The following DMWD variants were observed in gnomAD, a reference collection of about 807,000 sequenced individuals.
DMWD encodes DM1 locus, WD repeat containing, also known as dystrophia myotonica WD repeat-containing protein.
A neutral mutation model predicts 45.8 loss-of-function variants in DMWD; 19 were observed. That is an observed-to-expected ratio of 0.41 (90% CI 0.29 to 0.61). DMWD has a LOEUF of 0.61. DMWD is among the 20% of genes least tolerant of loss of function. DMWD has a pLI of 0.25. For synonymous variants in DMWD, 515 were observed against 440.5 expected (o/e 1.17, Z -2.12); for missense variants, 802 against 965.2 (o/e 0.83, Z 2.24).
At chr19:45,791,154 T>C (rs1174892980) in intron 1 of DMWD, 67 bp from the exon 2 acceptor site, 1 of 1,495,292 alleles carries the variant, frequency 6.7e-7, no homozygotes, top group Middle Eastern at 1.9e-4. Context: ...GATGTTGAGG[T>C]TGGGGGAAAC....
chr19:45,784,463 T>TTAGC, intron 4 of DMWD, 173 bp from the exon 5 acceptor site: 7 of 1,299,182 alleles, frequency 5.4e-6, no homozygotes, highest in Non-Finnish European at 7.3e-6. Context: ...AACTTGCATC[T>TTAGC]TAGCTAGCTT....
In DMWD at chr19:45,784,615, G is replaced by A. The variant is rs369230765; in HGVS notation, c.1977+26C>T. ...ACTTGGGAGGGACCCTGAGGTGCTG[G>A]GGAAAGAACTCAGGGACAGTCCTAC... On this transcript the variant is annotated intron_variant, in intron 4 of 4. Transcript: ENST00000270223. 10 of 1,613,724 alleles carry A rather than the reference G, an allele frequency of 6.2e-6. No individual in the cohort carries two copies. In the African/African-American group the frequency reaches 1.2e-4, roughly 19 times the overall value.
chr19:45,791,040 G>C lies in DMWD; in HGVS notation c.489C>G (p.Thr163=). The change falls in exon 2 of 5, where the codon ACC becomes ACG. Residue 163 remains threonine (T), a synonymous_variant. Coordinates refer to ENST00000270223, the MANE Select transcript of DMWD (RefSeq NM_004943.2). ...GGTTGAAATCGTGGCAGGTGGGCTG[G>C]GTGCCCTTGTAGATCCGCTTGTCAA... ...KPIDKRIYKG[T]QPTCHDFNQF... is the part of the protein sequence containing the mutation. 6.2e-7 allele frequency: 1 copy of C among 1,613,392 alleles called. No homozygotes were observed. The highest frequency in any genetic ancestry group is 8.5e-7 in the Non-Finnish European group (1 of 1,179,664).
rs530140382 is a variant in DMWD at position 45,788,648 on chromosome 19, G to C, written c.625-1777C>G. Among the ~76,000 whole-genome samples, 32 of 152,306 alleles carry C rather than the reference G, an allele frequency of 2.1e-4. 1 individual carries two copies. The South Asian group carries it at 6.6e-3, about 32-fold the overall frequency. ...CCCGATACTCAGAATGTCCTTCTTGGCTGGGTGTGATGGCTCACGCCTATA... is the reference window on the plus strand; with the variant it reads ...CCCGATACTCAGAATGTCCTTCTTGCCTGGGTGTGATGGCTCACGCCTATA... On this transcript the variant is annotated intron_variant, in intron 2 of 4. Transcript: ENST00000270223.
At chr19:45,792,232 C>T in intron 1 of DMWD, 84 bp downstream of exon 1, 2 of 1,497,234 alleles carry the variant, frequency 1.3e-6, no homozygotes, top group Non-Finnish European at 1.8e-6. Flanking sequence ...CTCAGGGCCC[C>T]ATATCAATTC....
In DMWD at chr19:45,786,134, G is replaced by GGGTGCGGGCCAGGGGC. The variant is rs1970271692; in HGVS notation, c.1361_1362insGCCCCTGGCCCGCACC (p.Arg460ProfsTer237). The GGGTGCGGGCCAGGGGC allele has an allele frequency of 6.5e-7, 1 of 1,545,682 alleles. No homozygotes were observed. The highest frequency in any genetic ancestry group is 8.7e-7 in the Non-Finnish European group (1 of 1,144,376). On this transcript the variant is annotated frameshift_variant, in exon 3 of 5. Transcript: ENST00000270223. LOFTEE classifies it high-confidence loss of function. ...GGAGGGTGCGGGTGCGGGCCAGGGG[G>GGGTGCGGGCCAGGGGC]GGGTGCGGGTAGAGCACGTCTTCAG...
At chr19:45,787,293 A>C in intron 2 of DMWD, 2 of 254,734 alleles carry the variant, frequency 7.9e-6, no homozygotes, top group Non-Finnish European at 1.5e-5. Flanking sequence ...CCAGCCTCCT[A>C]CCGGAGCAGC....
intron 1 of DMWD, 88 bp downstream of exon 1, chr19:45,792,228 G>A: frequency 4.0e-6 from 6 of 1,481,914 alleles, no homozygotes; most frequent in Non-Finnish European, 5.4e-6. Flanking sequence ...CTATCTCAGG[G>A]CCCCATATCA....
chr19:45,787,244 G>A, intron 2 of DMWD: 1 of 305,852 alleles, frequency 3.3e-6, no homozygotes, highest in Non-Finnish European at 6.2e-6. Flanking sequence ...CCATGCAGCA[G>A]GAGGTGAGTG....
In DMWD at chr19:45,792,571, C is replaced by T. The variant is rs1970368698; in HGVS notation, c.186G>A (p.Pro62=). 1.6e-6 allele frequency: 2 copies of T among 1,253,228 alleles called. No individual in the cohort carries two copies. Among genetic ancestry groups the T allele is most frequent in the Non-Finnish European group, 2.0e-6 (2 of 984,932 alleles). The allele number at this position is 1,253,228 out of a possible 1,614,324, so 77.6% of individuals were successfully genotyped here. ...GACCGGAGGCGGAGGCAGGGCCGGG[C>T]GGGGGCTGCGGTGGCTGAGGCGGCA... is the stretch of plus-strand genomic sequence containing the variant. ...TPVPPQPPQP[P]PGPASASGPG... Residue 62 remains proline (P), a synonymous_variant, in exon 1 of 5, where the codon CCG becomes CCA. Coordinates refer to ENST00000270223, the MANE Select transcript of DMWD (RefSeq NM_004943.2).
In DMWD at chr19:45,786,347, T is replaced by C. The variant is rs1445393073; in HGVS notation, c.1149A>G (p.Ala383=). The C allele has an allele frequency of 6.2e-7, 1 of 1,609,726 alleles. No homozygotes were observed. Among genetic ancestry groups the C allele is most frequent in the East Asian group, 2.2e-5 (1 of 44,732 alleles). ...AVAFDPYTTR[A]EEAATAAGAD... is the part of the protein sequence containing the mutation. ...CACCGGCTGCTGTCGCCGCCTCCTC[T>C]GCCCTTGTGGTGTAGGGGTCAAAGG... The change falls in exon 3 of 5, where the codon GCA becomes GCG. Residue 383 remains alanine, a synonymous_variant. Transcript: ENST00000270223.
intron 2 of DMWD, among the ~76,000 whole-genome samples, chr19:45,787,877 C>T (rs34212898): frequency 0.033 from 4,990 of 152,102 alleles, 125 homozygotes; most frequent in South Asian, 0.075. Context: ...ACCAGCCTAG[C>T]CAATATGGTG....
rs1375581531 is a variant in DMWD, at chr19:45,785,987, G to A, written c.1509C>T (p.Gly503=). 1 of 1,569,074 alleles carries A rather than the reference G, an allele frequency of 6.4e-7. No individual in the cohort carries two copies. Among genetic ancestry groups the A allele is most frequent in the Admixed American group, 1.7e-5 (1 of 57,560 alleles). Residue 503 remains glycine, a synonymous_variant, in exon 3 of 5, where the codon GGC becomes GGT. Transcript: ENST00000270223. ...CCGCCACACCCGGGCCGCCCGCCTTGCCCCCGCCAGCTGGGTGCGGGAGAC... is the reference window on the plus strand; with the variant it reads ...CCGCCACACCCGGGCCGCCCGCCTTACCCCCGCCAGCTGGGTGCGGGAGAC... ...SNSLPHPAGG[G]KAGGPGVAAE...
In DMWD at chr19:45,785,580, G is replaced by A; in HGVS notation, c.1902+14C>T. ...CCTGCCAGGTCCCCGGCAGGCTGGT[G>A]TGGGGCCACTCACCGCCTTGCCCGG... On this transcript the variant is annotated intron_variant, in intron 3 of 4. Transcript: ENST00000270223. 1.4e-6 allele frequency: 2 copies of A among 1,469,938 alleles called. No individual in the cohort carries two copies. The highest frequency in any genetic ancestry group is 1.8e-6 in the Non-Finnish European group (2 of 1,108,498). 91.1% of individuals were successfully genotyped at this position (1,469,938 alleles called of 1,614,324 possible). A position where few individuals can be genotyped will look rare whatever the true frequency, so the allele number is the denominator to read the frequency against.
Position 45,785,822 on chromosome 19 carries a change from G to T in DMWD, c.1674C>A (p.Gly558=), listed in dbSNP as rs1970263707. ...GGCCGCTGGGCTTCTCCCCACCACTGCCACTGCCGCCACTGCCACCCCGGC... is the reference window on the plus strand; with the variant it reads ...GGCCGCTGGGCTTCTCCCCACCACTTCCACTGCCGCCACTGCCACCCCGGC... ...NISRGGSGGS[G]SGGEKPSGPV... is the part of the protein sequence containing the mutation. Residue 558 remains glycine, a synonymous_variant, in exon 3 of 5, where the codon GGC becomes GGA. Coordinates refer to ENST00000270223, the MANE Select transcript of DMWD (RefSeq NM_004943.2). The T allele has an allele frequency of 6.2e-7, 1 of 1,610,624 alleles. No homozygotes were observed. Among genetic ancestry groups the T allele is most frequent in the Non-Finnish European group, 8.5e-7 (1 of 1,179,636 alleles).
chr19:45,783,700 C>T lies in DMWD; in HGVS notation c.*543G>A. On this transcript the variant is annotated 3_prime_UTR_variant, in exon 5 of 5. Transcript: ENST00000270223. ...ACAGAGTACACACACAGGTCCTCTA[C>T]ATCATCTCCTCCGAAGGGGACAGAC... is the stretch of plus-strand genomic sequence containing the variant. The T allele has an allele frequency of 2.3e-6, 1 of 426,686 alleles. No homozygotes were observed. The highest frequency in any genetic ancestry group is 4.1e-6 in the Non-Finnish European group (1 of 244,682). 26.4% of individuals were successfully genotyped at this position (426,686 alleles called of 1,614,324 possible).
At position 45,786,222 on chromosome 19, in the gene DMWD, C is replaced by T; in HGVS notation, c.1274G>A (p.Gly425Asp). Residue 425 changes from glycine to aspartate, a missense_variant, in exon 3 of 5, where the codon GGC becomes GAC. Transcript: ENST00000270223. The part of the protein sequence containing the change: ...GAPLSPLPKA[G>D]SITYRFGSAG... ...CGAGCCAAAGCGGTAAGTAATGGAGCCAGCCTTGGGCAGTGGAGAGAGCGG... is the reference window on the plus strand; with the variant it reads ...CGAGCCAAAGCGGTAAGTAATGGAGTCAGCCTTGGGCAGTGGAGAGAGCGG... The T allele has an allele frequency of 6.2e-7, 1 of 1,611,428 alleles. No homozygotes were observed. The highest frequency in any genetic ancestry group is 8.5e-7 in the Non-Finnish European group (1 of 1,178,982).
At chr19:45,784,370 C>T (rs1010382242) in intron 4 of DMWD, 80 bp from the exon 5 acceptor site, 93 of 1,412,754 alleles carry the variant, frequency 6.6e-5, no homozygotes, top group Non-Finnish European at 8.7e-5. Flanking sequence ...GGGAGCCAGC[C>T]CAGAGTCCCC....
At chr19:45,787,493 T>C (rs970604569) in intron 2 of DMWD, among the ~76,000 whole-genome samples, 1 of 152,164 alleles carries the variant, frequency 6.6e-6, no homozygotes, top group Non-Finnish European at 1.5e-5. Context: ...GCCAAAATGG[T>C]TGGGGACCAC....
Sources: allele counts gnomAD v4.1 joint callset (sites outside exome capture counted in the v4.1 genomes callset), GRCh38; gene constraint gnomAD v4.1.1; transcripts MANE v1.5; gene names NCBI Gene and HGNC (gene_info 2026-07-23, HGNC 2026-07-21).